CLEC2A: variants seen among roughly 807,000 people sequenced by gnomAD.
CLEC2A encodes the protein C-type lectin domain family 2 member A.
Under a neutral mutation model 18.6 loss-of-function variants are expected in CLEC2A, and 19 were observed. The observed-to-expected ratio is 1.02, with a 90% CI of 0.71 to 1.50. The LOEUF is 1.50. Among genes scored for constraint, CLEC2A ranks in the 40% most tolerant of loss-of-function variants. The pLI is 0.00. For missense variants in CLEC2A, 190 were observed against 207.9 expected (o/e 0.91, Z 0.53); for synonymous variants, 74 against 64.0 (o/e 1.16, Z -0.75).
At chr12:9,904,995 G>A (rs111918263) in intron 4 of CLEC2A, among the ~76,000 whole-genome samples, 228 of 152,230 alleles carry the variant, frequency 1.5e-3, no homozygotes, top group African/African-American at 5.4e-3. Context: ...TTTGATAGCT[G>A]CCTTTGAGCT....
At chr12:9,917,873 T>C (rs557904531) in intron 3 of CLEC2A, among the ~76,000 whole-genome samples, 35 of 152,326 alleles carry the variant, frequency 2.3e-4, no homozygotes, top group Middle Eastern at 3.4e-3. Context: ...GAGCTTTTTT[T>C]CATGTTTGTT....
At chr12:9,887,827 G>A in the CLEC2A span, among the ~76,000 whole-genome samples, 1 of 151,252 alleles carries the variant, frequency 6.6e-6, no homozygotes, top group Non-Finnish European at 1.5e-5. Flanking sequence ...CAAGGCAGGT[G>A]GAGCGCTTGA....
intron 1 of CLEC2A, among the ~76,000 whole-genome samples, chr12:9,930,090 T>A (rs1863350418): frequency 6.6e-6 from 1 of 152,174 alleles, no homozygotes. Context: ...GAAATTAAGA[T>A]GTTGGTCGGA....
chr12:9,911,369 G>C (rs185182165), downstream of CLEC2A, among the ~76,000 whole-genome samples: 3 of 152,144 alleles, frequency 2.0e-5, no homozygotes, highest in Admixed American at 1.3e-4. Context: ...CAAGGACATT[G>C]CACAATTAAG....
chr12:9,879,185 A>C, the CLEC2A span, among the ~76,000 whole-genome samples: 16 of 152,314 alleles, frequency 1.1e-4, no homozygotes, highest in African/African-American at 3.4e-4. Flanking sequence ...CAAACAAAAA[A>C]GGATATTTCA....
chr12:9,905,793 C>T (rs1862898764), intron 4 of CLEC2A, among the ~76,000 whole-genome samples: 1 of 152,036 alleles, frequency 6.6e-6, no homozygotes, highest in Admixed American at 6.6e-5. Context: ...TCTATTAATC[C>T]AAGCTTAGGT....
downstream of CLEC2A, among the ~76,000 whole-genome samples, chr12:9,909,912 C>G (rs867634070): frequency 3.9e-5 from 6 of 151,992 alleles, no homozygotes; most frequent in South Asian, 8.3e-4. Flanking sequence ...TCTAGGGGAT[C>G]CCATGTGTTG....
At chr12:9,882,795 A>T in the CLEC2A span, among the ~76,000 whole-genome samples, 91,173 of 151,454 alleles carry the variant, frequency 0.6, 28,799 homozygotes, top group Non-Finnish European at 0.7. Context: ...AAAACAAAAA[A>T]AATTATTCAG....
chr12:9,897,495 A>T (rs185104750), downstream of CLEC2A, among the ~76,000 whole-genome samples: 9 of 152,006 alleles, frequency 5.9e-5, no homozygotes, highest in Non-Finnish European at 1.2e-4. Flanking sequence ...GACCAGGAAA[A>T]ATTAGGCACG....
downstream of CLEC2A, among the ~76,000 whole-genome samples, chr12:9,912,997 A>G (rs1863010707): frequency 6.6e-6 from 1 of 152,224 alleles, no homozygotes; most frequent in Admixed American, 6.5e-5. Flanking sequence ...CTAATGCAAC[A>G]AGGCAGCTTT....
intron 2 of CLEC2A, among the ~76,000 whole-genome samples, chr12:9,923,943 G>A (rs1863219195): frequency 6.6e-6 from 1 of 151,874 alleles, no homozygotes; most frequent in Non-Finnish European, 1.5e-5. Context: ...TGGGGGAGTG[G>A]GGAGGGATAG....
downstream of CLEC2A, among the ~76,000 whole-genome samples, chr12:9,912,280 C>T (rs1284202362): frequency 6.6e-6 from 1 of 151,022 alleles, no homozygotes; most frequent in East Asian, 1.9e-4. Context: ...TGGCTGGGAG[C>T]CAGCCAGCTG....
At chr12:9,909,892 A>T (rs1862958906), downstream of CLEC2A, among the ~76,000 whole-genome samples, 1 of 151,916 alleles carries the variant, frequency 6.6e-6, no homozygotes, top group Non-Finnish European at 1.5e-5. Context: ...TATTGAGTGG[A>T]GGAAGATGGT....
At chr12:9,929,170 T>C (rs912483393) in intron 1 of CLEC2A, among the ~76,000 whole-genome samples, 1 of 152,184 alleles carries the variant, frequency 6.6e-6, no homozygotes, top group African/African-American at 2.4e-5. Context: ...GTTGATTCTA[T>C]TGGTATTTAT....
chr12:9,930,247 A>G (rs1277591318), intron 1 of CLEC2A, among the ~76,000 whole-genome samples: 1 of 152,166 alleles, frequency 6.6e-6, no homozygotes. Context: ...GTCCCAACCT[A>G]CCGACCTAAT....
chr12:9,878,169 G>T, the CLEC2A span, among the ~76,000 whole-genome samples: 1 of 152,130 alleles, frequency 6.6e-6, no homozygotes, highest in Admixed American at 6.5e-5. Flanking sequence ...TATGGGTGTG[G>T]GAAATTCTAA....
downstream of CLEC2A, chr12:9,895,741 A>G (rs1345361606): frequency 1.3e-6 from 2 of 1,535,732 alleles, no homozygotes; most frequent in African/African-American, 1.4e-5. Context: ...TATCACAGGA[A>G]ACTGGGTGTA....
chr12:9,895,909 A>G, downstream of CLEC2A: 2 of 1,360,106 alleles, frequency 1.5e-6, no homozygotes, highest in Non-Finnish European at 1.9e-6. Context: ...TTTTAGATAA[A>G]GTTTCTAACA....
chr12:9,918,245 G>A (rs1002137968), intron 3 of CLEC2A, among the ~76,000 whole-genome samples: 2 of 152,082 alleles, frequency 1.3e-5, no homozygotes, highest in Non-Finnish European at 2.9e-5. Context: ...TTACATTTAG[G>A]TCTTTAATCC....
Sources: gnomAD v4.1 joint callset for allele counts (sites outside exome capture counted in the v4.1 genomes callset) on GRCh38, gnomAD v4.1.1 for gene constraint, MANE v1.5 for transcripts, NCBI Gene and HGNC (gene_info 2026-07-23, HGNC 2026-07-21) for gene names.